Variants in SLC30A9 observed in about 807,000 individuals in gnomAD.
SLC30A9 encodes the protein solute carrier family 30 member 9, also known as proton-coupled zinc antiporter SLC30A9, mitochondrial.
A neutral mutation model predicts 87.5 loss-of-function variants in SLC30A9; 58 were observed. The observed-to-expected ratio is 0.66, with a 90% CI of 0.54 to 0.82. SLC30A9 has a LOEUF of 0.82. Among genes scored for constraint, SLC30A9 ranks in the 40% least tolerant of loss-of-function variants. SLC30A9 has a pLI of 0.00. For missense variants in SLC30A9, 557 were observed against 679.1 expected, an observed-to-expected ratio of 0.82 and a Z score of 2.00; for synonymous variants, 234 against 233.0, an observed-to-expected ratio of 1.00 and a Z score of -0.04.
chr4:42,008,354 T>G (rs1715304163), intron 2 of SLC30A9, among the ~76,000 whole-genome samples: 1 of 152,252 alleles, frequency 6.6e-6, no homozygotes, highest in African/African-American at 2.4e-5. Flanking sequence ...CACTTACTCC[T>G]GATTGATGTT....
intron 17 of SLC30A9, among the ~76,000 whole-genome samples, chr4:42,084,582 C>T (rs1267039763): frequency 6.6e-6 from 1 of 152,212 alleles, no homozygotes; most frequent in Non-Finnish European, 1.5e-5. Context: ...AGCGATTCTC[C>T]TGCCTCAGCC....
chr4:41,992,713 T>C (rs1338950102), intron 1 of SLC30A9, among the ~76,000 whole-genome samples: 1 of 152,250 alleles, frequency 6.6e-6, no homozygotes, highest in Non-Finnish European at 1.5e-5. Flanking sequence ...TTAAAAATGC[T>C]TAGTAGGTTT....
intron 2 of SLC30A9, among the ~76,000 whole-genome samples, chr4:42,017,359 C>G (rs1353507521): frequency 2.5e-5 from 3 of 119,644 alleles, no homozygotes; most frequent in African/African-American, 8.2e-5. Context: ...CAGTTTGCGG[C>G]CTTTCTTTTT....
chr4:42,008,878 T>C (rs1204921366), intron 2 of SLC30A9, among the ~76,000 whole-genome samples: 1 of 152,212 alleles, frequency 6.6e-6, no homozygotes, highest in Non-Finnish European at 1.5e-5. Context: ...TGCAATTTCT[T>C]CTCTTTCTTT....
rs1047315918 is a variant in SLC30A9, at chr4:42,087,128, T to C, written c.*1002T>C. On this transcript the variant is annotated 3_prime_UTR_variant, in exon 18 of 18. Coordinates refer to ENST00000264451, the MANE Select transcript of SLC30A9 (RefSeq NM_006345.4). The stretch of plus-strand genomic sequence containing the variant: ...AACTCATGGTCATGATTTTGTATAA[T>C]ATAGTTCATACTGTGTCTGTGAGTT... 6.6e-6 allele frequency: 1 copy of C among 152,186 alleles called. No homozygotes were observed. Among genetic ancestry groups the C allele is most frequent in the Admixed American group, 6.5e-5 (1 of 15,280 alleles). 9.4% of individuals were successfully genotyped at this position (152,186 alleles called of 1,614,324 possible).
intron 17 of SLC30A9, among the ~76,000 whole-genome samples, chr4:42,079,689 C>G (rs952817823): frequency 1.3e-4 from 20 of 152,002 alleles, no homozygotes; most frequent in African/African-American, 4.8e-4. Context: ...CTCACCGCAG[C>G]CTCCGCCTTC....
At chr4:42,033,782 A>T (rs550146263) in intron 6 of SLC30A9, among the ~76,000 whole-genome samples, 1 of 152,126 alleles carries the variant, frequency 6.6e-6, no homozygotes, top group South Asian at 2.1e-4. Context: ...TCACCATGTT[A>T]GCCAGGATGG....
At chr4:42,068,366 C>T (rs1453242748) in intron 14 of SLC30A9, among the ~76,000 whole-genome samples, 1 of 152,028 alleles carries the variant, frequency 6.6e-6, no homozygotes, top group South Asian at 2.1e-4. Context: ...GCCTCAGCCT[C>T]CCGAGTAGCT....
chr4:42,021,917 A>ATTTTTTTT (rs1180421350), intron 4 of SLC30A9, among the ~76,000 whole-genome samples: 4 of 39,946 alleles, frequency 1.0e-4, no homozygotes, highest in African/African-American at 2.6e-4. Flanking sequence ...CGCCTGGCTA[A>ATTTTTTTT]TTTTTTTTTT....
At chr4:42,057,862 G>A (rs1717681573) in intron 9 of SLC30A9, among the ~76,000 whole-genome samples, 1 of 152,120 alleles carries the variant, frequency 6.6e-6, no homozygotes, top group Non-Finnish European at 1.5e-5. Flanking sequence ...CCAGCACTTT[G>A]GGAGGCTGAG....
At chr4:42,045,869 C>A (rs1375062329) in intron 8 of SLC30A9, among the ~76,000 whole-genome samples, 3 of 152,206 alleles carry the variant, frequency 2.0e-5, no homozygotes, top group Non-Finnish European at 4.4e-5. Flanking sequence ...AAAAGCTTAT[C>A]ACCACCATCA....
At chr4:42,012,644 A>G (rs1442567082) in intron 2 of SLC30A9, among the ~76,000 whole-genome samples, 2 of 152,194 alleles carry the variant, frequency 1.3e-5, no homozygotes, top group Non-Finnish European at 2.9e-5. Context: ...ATATACAATT[A>G]AGTTATTACT....
At chr4:42,000,576 G>T (rs1349302807) in intron 1 of SLC30A9, among the ~76,000 whole-genome samples, 1 of 152,042 alleles carries the variant, frequency 6.6e-6, no homozygotes, top group Non-Finnish European at 1.5e-5. Context: ...TTCTAGGCCG[G>T]AAACTTGAGT....
chr4:41,997,584 A>G (rs952079732), intron 1 of SLC30A9, among the ~76,000 whole-genome samples: 5 of 152,162 alleles, frequency 3.3e-5, no homozygotes, highest in African/African-American at 9.7e-5. Context: ...ATGCAACATT[A>G]TAACATGAGT....
At chr4:42,018,539 T>A (rs1405132617) in intron 3 of SLC30A9, 9 of 705,740 alleles carry the variant, frequency 1.3e-5, no homozygotes, top group African/African-American at 1.9e-5. Context: ...GACTTTATTT[T>A]CTAGGAGAAA....
chr4:42,046,960 C>T (rs1207540184), intron 8 of SLC30A9, among the ~76,000 whole-genome samples: 1 of 152,010 alleles, frequency 6.6e-6, no homozygotes, highest in Non-Finnish European at 1.5e-5. Context: ...CTTTGACAAA[C>T]CTGACAAAAG....
intron 14 of SLC30A9, among the ~76,000 whole-genome samples, chr4:42,068,533 C>T (rs1334766944): frequency 6.6e-6 from 1 of 152,228 alleles, no homozygotes; most frequent in Admixed American, 6.5e-5. Flanking sequence ...GCATGAGCCA[C>T]CACGCCCGGC....
chr4:42,001,849 C>T (rs1241100073), intron 2 of SLC30A9, 69 bp downstream of exon 2: 3 of 1,154,680 alleles, frequency 2.6e-6, no homozygotes, highest in East Asian at 2.7e-5. Context: ...TATTTGTTCC[C>T]TGGATGTTTG....
intron 5 of SLC30A9, 133 bp downstream of exon 5, chr4:42,023,063 TTGTG>T: frequency 3.4e-6 from 2 of 580,796 alleles, no homozygotes; most frequent in Non-Finnish European, 6.1e-6. Flanking sequence ...ATCTGTTTAT[TTGTG>T]AGTTACTAAT....
Sources: allele counts gnomAD v4.1 joint callset (sites outside exome capture counted in the v4.1 genomes callset), GRCh38; gene constraint gnomAD v4.1.1; transcripts MANE v1.5; gene names NCBI Gene and HGNC (gene_info 2026-07-23, HGNC 2026-07-21).